Variants in FIP1L1 observed in about 807,000 individuals in gnomAD.
The protein encoded by FIP1L1 is pre-mRNA 3'-end-processing factor FIP1.
Under a neutral mutation model 84.6 loss-of-function variants are expected in FIP1L1, and 21 were observed. That is an observed-to-expected ratio of 0.25 (90% CI 0.18 to 0.36). The LOEUF is 0.36. FIP1L1 is among the 10% of genes least tolerant of loss of function. FIP1L1 has a pLI of 1.00. For synonymous variants in FIP1L1, 263 were observed against 242.3 expected (o/e 1.09, Z -0.80); for missense variants, 526 against 751.1 (o/e 0.70, Z 3.50).
chr4:53,389,016 T>C (rs1742694888), intron 5 of FIP1L1, among the ~76,000 whole-genome samples: 1 of 152,232 alleles, frequency 6.6e-6, no homozygotes, highest in Admixed American at 6.5e-5. Flanking sequence ...TAATATTTTT[T>C]CAAATATATA....
chr4:53,426,625 G>A (rs1459096708), intron 12 of FIP1L1, among the ~76,000 whole-genome samples: 8 of 151,938 alleles, frequency 5.3e-5, no homozygotes, highest in Non-Finnish European at 8.8e-5. Flanking sequence ...AACCACATCT[G>A]GTACATCTCT....
intron 10 of FIP1L1, among the ~76,000 whole-genome samples, chr4:53,400,067 A>C (rs1006411840): frequency 6.6e-6 from 1 of 152,210 alleles, no homozygotes; most frequent in African/African-American, 2.4e-5. Context: ...GTGTATGAAT[A>C]AAGAGACAAT....
intron 9 of FIP1L1, among the ~76,000 whole-genome samples, chr4:53,395,655 A>C (rs969738946): frequency 2.0e-5 from 3 of 152,200 alleles, no homozygotes; most frequent in African/African-American, 7.2e-5. Context: ...AAGACAGTCA[A>C]GTAACAAATA....
chr4:53,423,471 C>T (rs1019505206), intron 11 of FIP1L1, among the ~76,000 whole-genome samples: 3 of 152,148 alleles, frequency 2.0e-5, no homozygotes, highest in African/African-American at 7.2e-5. Context: ...CCATTAAGAA[C>T]TTTCGTGGAA....
intron 1 of FIP1L1, 43 bp from the exon 2 acceptor site, chr4:53,379,027 CTTG>C (rs781437430): frequency 6.4e-7 from 1 of 1,572,084 alleles, no homozygotes; most frequent in South Asian, 1.2e-5. Context: ...AAATAAGTAT[CTTG>C]TTAAGTAATT....
At chr4:53,457,130 T>C (rs1719563704) in intron 16 of FIP1L1, among the ~76,000 whole-genome samples, 1 of 152,148 alleles carries the variant, frequency 6.6e-6, no homozygotes, top group South Asian at 2.1e-4. Flanking sequence ...CCAAGCACTT[T>C]ATAAATGTTG....
chr4:53,379,070 T>C lies in FIP1L1; in HGVS notation c.86-3T>C, dbSNP rs1736362362. On this transcript the variant is annotated splice_region_variant and splice_polypyrimidine_tract_variant and intron_variant, in intron 1 of 17. Coordinates refer to ENST00000337488, the MANE Select transcript of FIP1L1 (RefSeq NM_030917.4). ...GGTGATCTAACTTTGGATGTGCTTA[T>C]AGGCCCATGGGACGTGCATGTGCAC... 2 of 1,613,568 alleles carry C rather than the reference T, an allele frequency of 1.2e-6. No homozygotes were observed. Among genetic ancestry groups the C allele is most frequent in the Non-Finnish European group, 1.7e-6 (2 of 1,179,918 alleles).
intron 10 of FIP1L1, among the ~76,000 whole-genome samples, chr4:53,408,663 G>A (rs1755231625): frequency 6.6e-6 from 1 of 152,120 alleles, no homozygotes; most frequent in Admixed American, 6.5e-5. Flanking sequence ...TTTTCACATA[G>A]TCCCATATTT....
intron 13 of FIP1L1, 151 bp downstream of exon 13, chr4:53,428,334 T>G (rs1242055130): frequency 1.5e-6 from 1 of 647,144 alleles, no homozygotes; most frequent in Non-Finnish European, 2.3e-6. Context: ...AACAGATATA[T>G]ATATGTTTAT....
intron 10 of FIP1L1, among the ~76,000 whole-genome samples, chr4:53,407,432 A>G (rs6856896): frequency 2.0e-5 from 3 of 151,986 alleles, no homozygotes; most frequent in East Asian, 1.9e-4. Flanking sequence ...ACTTCCATCT[A>G]TGTGGTCAGT....
chr4:53,401,509 G>A (rs1267284994), intron 10 of FIP1L1, among the ~76,000 whole-genome samples: 1 of 152,214 alleles, frequency 6.6e-6, no homozygotes, highest in African/African-American at 2.4e-5. Flanking sequence ...ATCTAGGCAA[G>A]AGATAATGGT....
At chr4:53,391,688 C>G (rs1278461876) in intron 9 of FIP1L1, among the ~76,000 whole-genome samples, 190 bp downstream of exon 9, 1 of 152,096 alleles carries the variant, frequency 6.6e-6, no homozygotes, top group Admixed American at 6.5e-5. Context: ...AATTTATAGC[C>G]TATTATACTA....
In FIP1L1 at chr4:53,416,999, A is replaced by G. The variant is rs561077110; in HGVS notation, c.923+2277A>G. ...AAATACTTAAAATATGTTATTTTCAATGTAATTTTAAACTTTGTTTCTTTG... is the reference window on the plus strand; with the variant it reads ...AAATACTTAAAATATGTTATTTTCAGTGTAATTTTAAACTTTGTTTCTTTG... On this transcript the variant is annotated intron_variant, in intron 11 of 17. Coordinates refer to ENST00000337488, the MANE Select transcript of FIP1L1 (RefSeq NM_030917.4). Among the ~76,000 whole-genome samples, 8 of 152,286 alleles carry G rather than the reference A, an allele frequency of 5.3e-5. No individual in the cohort carries two copies. In the East Asian group the frequency reaches 1.2e-3, roughly 22 times the overall value.
intron 13 of FIP1L1, among the ~76,000 whole-genome samples, chr4:53,431,918 C>T (rs1766864271): frequency 6.6e-6 from 1 of 152,180 alleles, no homozygotes; most frequent in Non-Finnish European, 1.5e-5. Flanking sequence ...CTTAAACACA[C>T]ACCTGCAAAC....
intron 4 of FIP1L1, among the ~76,000 whole-genome samples, chr4:53,383,191 G>A (rs1239210764): frequency 1.3e-5 from 2 of 151,362 alleles, no homozygotes; most frequent in East Asian, 1.9e-4. Context: ...TGCAAGAGGG[G>A]CAGATATGAT....
intron 9 of FIP1L1, among the ~76,000 whole-genome samples, chr4:53,397,040 A>G (rs531511320): frequency 2.0e-5 from 3 of 152,198 alleles, no homozygotes; most frequent in Non-Finnish European, 4.4e-5. Context: ...ATTCAAAGTT[A>G]TTTTTCTTTT....
At chr4:53,396,479 C>A (rs568370069) in intron 9 of FIP1L1, among the ~76,000 whole-genome samples, 11 of 152,178 alleles carry the variant, frequency 7.2e-5, no homozygotes, top group African/African-American at 2.4e-4. Context: ...GATCTTGGCT[C>A]ACTGAAACCT....
intron 1 of FIP1L1, 170 bp downstream of exon 1, chr4:53,378,093 G>A: frequency 1.8e-6 from 1 of 541,262 alleles, no homozygotes; most frequent in Non-Finnish European, 3.1e-6. Flanking sequence ...AGTCCCCGCG[G>A]CGGTCTCCCG....
chr4:53,392,558 C>T (rs958406093), intron 9 of FIP1L1, among the ~76,000 whole-genome samples: 3 of 152,180 alleles, frequency 2.0e-5, no homozygotes, highest in South Asian at 4.1e-4. Flanking sequence ...TCTATATAGG[C>T]ATTGAATATA....
Sources: allele counts gnomAD v4.1 joint callset (sites outside exome capture counted in the v4.1 genomes callset), GRCh38; gene constraint gnomAD v4.1.1; transcripts MANE v1.5; gene names NCBI Gene and HGNC (gene_info 2026-07-23, HGNC 2026-07-21).